Variants in IMPACT observed in about 807,000 individuals in gnomAD.
IMPACT encodes the protein protein IMPACT.
IMPACT carries 35 observed loss-of-function variants against 47.5 expected under a neutral mutation model. The ratio of observed to expected loss-of-function variants is 0.74; its 90% CI spans 0.56 to 0.98. The LOEUF (loss-of-function observed/expected upper bound fraction) is 0.98, where lower values mean the gene tolerates loss of function less well. IMPACT is among the 50% of genes least tolerant of loss of function. IMPACT has a pLI of 0.00. For missense variants in IMPACT, 373 were observed against 394.8 expected (o/e 0.94, Z 0.47); for synonymous variants, 118 against 125.6 (o/e 0.94, Z 0.40).
In IMPACT at chr18:24,453,325, A is replaced by G. The variant is rs1909434657; in HGVS notation, c.*2478A>G. 1 of 152,240 alleles carries G rather than the reference A, an allele frequency of 6.6e-6. No homozygotes were observed. Among genetic ancestry groups the G allele is most frequent in the Admixed American group, 6.5e-5 (1 of 15,290 alleles). The allele number at this position is 152,240 out of a possible 1,614,324, so 9.4% of individuals were successfully genotyped here. A position where few individuals can be genotyped will look rare whatever the true frequency, so the allele number is the denominator to read the frequency against. ...AAAATTACATAATCCCTCTGATTCC[A>G]CTATCCAGAGATAGCCATTATTATT... On this transcript the variant is annotated 3_prime_UTR_variant, in exon 11 of 11. Transcript: ENST00000284202.
chr18:24,449,677 C>G (rs1229499674), intron 9 of IMPACT, 142 bp from the exon 10 acceptor site: 3 of 648,674 alleles, frequency 4.6e-6, no homozygotes, highest in Non-Finnish European at 8.1e-6. Flanking sequence ...TCAGTGCCTA[C>G]TCACTCATAT....
At position 24,426,803 on chromosome 18, in the gene IMPACT, G is replaced by C; in HGVS notation, c.36+11G>C. The C allele has an allele frequency of 8.1e-7, 1 of 1,238,298 alleles. No individual in the cohort carries two copies. The highest frequency in any genetic ancestry group is 4.1e-5 in the South Asian group (1 of 24,632). 76.7% of individuals were successfully genotyped at this position (1,238,298 alleles called of 1,614,324 possible). A position where few individuals can be genotyped will look rare whatever the true frequency, so the allele number is the denominator to read the frequency against. On this transcript the variant is annotated intron_variant, in intron 1 of 10. Transcript: ENST00000284202. ...AGCGACCAGAGGCAGGTGAGGCCCC[G>C]GCGGGGTGCTGTCTCTCCAGGCTCG... is the stretch of plus-strand genomic sequence containing the variant.
At chr18:24,429,464 C>T (rs182930981) in intron 3 of IMPACT, 2 of 152,302 alleles carry the variant, frequency 1.3e-5, no homozygotes, top group Admixed American at 1.3e-4. Flanking sequence ...TGTATAAACC[C>T]TTGGGAACAG....
At chr18:24,432,677 T>C (rs1199089426) in intron 4 of IMPACT, among the ~76,000 whole-genome samples, 1 of 152,020 alleles carries the variant, frequency 6.6e-6, no homozygotes, top group Non-Finnish European at 1.5e-5. Flanking sequence ...TATAATCCTC[T>C]CATATTTGCC....
In IMPACT at chr18:24,448,089, G is replaced by C. The variant is rs1343457900; in HGVS notation, c.669-4G>C. On this transcript the variant is annotated splice_polypyrimidine_tract_variant and splice_region_variant and intron_variant, in intron 8 of 10. Transcript: ENST00000284202. ...AAGTGTAATACTCTTACATGTATTT[G>C]CAGAATATATTGTGAGGATAAACAG... 1.9e-6 allele frequency: 3 copies of C among 1,583,044 alleles called. No individual in the cohort carries two copies. The highest frequency in any genetic ancestry group is 4.5e-5 in the East Asian group (2 of 44,664).
intron 3 of IMPACT, 69 bp from the exon 4 acceptor site, chr18:24,430,253 T>G: frequency 9.5e-7 from 1 of 1,050,812 alleles, no homozygotes; most frequent in East Asian, 2.5e-5. Flanking sequence ...TTATTTGTGA[T>G]GTAATCTGTA....
chr18:24,444,020 C>T lies in IMPACT; in HGVS notation c.594+868C>T, dbSNP rs1196519682. On this transcript the variant is annotated intron_variant, in intron 7 of 10. Coordinates refer to ENST00000284202, the MANE Select transcript of IMPACT (RefSeq NM_018439.4). The stretch of plus-strand genomic sequence containing the variant: ...TCTTGAAGCTCTTTAAAGCCCTGGG[C>T]TTCAGGGATACAGCTCTTTGTACCA... Among the ~76,000 whole-genome samples, 5 of 152,188 alleles carry T rather than the reference C, an allele frequency of 3.3e-5. No individual in the cohort carries two copies. In the South Asian group the frequency reaches 8.3e-4, roughly 25 times the overall value.
chr18:24,449,851 A>G lies in IMPACT; in HGVS notation c.792A>G (p.Val264=), dbSNP rs1448310879. 1 of 1,613,250 alleles carries G rather than the reference A, an allele frequency of 6.2e-7. No homozygotes were observed. The part of the protein sequence containing the change: ...ILNVKNVMVV[V]SRWYGGILLG... ...ATGTGAAGAATGTCATGGTGGTAGT[A>G]TCACGCTGGTATGGAGGGATTCTGC... The change falls in exon 10 of 11, where the codon GTA becomes GTG. Residue 264 remains valine, a synonymous_variant. Transcript: ENST00000284202.
In IMPACT at chr18:24,443,040, C is replaced by G; in HGVS notation, c.491-9C>G. On this transcript the variant is annotated splice_polypyrimidine_tract_variant and intron_variant, in intron 6 of 10. Coordinates refer to ENST00000284202, the MANE Select transcript of IMPACT (RefSeq NM_018439.4). ...TTTTTAAAAAATAAAGTTTCTTTTACATTTCTAGAAGTAGAAGTAGAAGAA... is the reference window on the plus strand; with the variant it reads ...TTTTTAAAAAATAAAGTTTCTTTTAGATTTCTAGAAGTAGAAGTAGAAGAA... The G allele has an allele frequency of 6.9e-7, 1 of 1,454,704 alleles. No homozygotes were observed. Among genetic ancestry groups the G allele is most frequent in the Non-Finnish European group, 9.5e-7 (1 of 1,050,794 alleles). 90.1% of individuals were successfully genotyped at this position (1,454,704 alleles called of 1,614,324 possible). A position where few individuals can be genotyped will look rare whatever the true frequency, so the allele number is the denominator to read the frequency against.
At chr18:24,427,761 T>C (rs1908649979) in intron 1 of IMPACT, 158 bp from the exon 2 acceptor site, 1 of 621,960 alleles carries the variant, frequency 1.6e-6, no homozygotes, top group African/African-American at 1.9e-5. Context: ...GAGCAGAACA[T>C]GGTGACCTGC....
chr18:24,434,220 C>T (rs965868439), intron 4 of IMPACT, among the ~76,000 whole-genome samples: 20 of 151,878 alleles, frequency 1.3e-4, no homozygotes, highest in African/African-American at 4.1e-4. Flanking sequence ...TGTGATGGGG[C>T]GTGCCTGTAA....
chr18:24,443,678 G>A (rs904265940), intron 7 of IMPACT, among the ~76,000 whole-genome samples: 5 of 152,200 alleles, frequency 3.3e-5, no homozygotes, highest in African/African-American at 1.2e-4. Context: ...GGGGACAGTG[G>A]ACAGACTGGC....
chr18:24,448,987 C>G (rs2144350456), intron 9 of IMPACT, among the ~76,000 whole-genome samples: 1 of 152,220 alleles, frequency 6.6e-6, no homozygotes, highest in African/African-American at 2.4e-5. Context: ...AGGCCTTTCC[C>G]TTGAATAGTA....
chr18:24,428,951 AT>A (rs1568084673), intron 3 of IMPACT, 30 bp downstream of exon 3: 1 of 1,463,658 alleles, frequency 6.8e-7, no homozygotes, highest in Non-Finnish European at 9.5e-7. Flanking sequence ...TTATATTGCT[AT>A]AAAAAGATTC....
chr18:24,430,861 T>C (rs1004170156), intron 4 of IMPACT, among the ~76,000 whole-genome samples: 4 of 152,256 alleles, frequency 2.6e-5, no homozygotes, highest in Non-Finnish European at 5.9e-5. Flanking sequence ...ATAGGCTATG[T>C]AGAATGAAAT....
intron 5 of IMPACT, among the ~76,000 whole-genome samples, chr18:24,438,527 C>G (rs569021108): frequency 3.3e-5 from 5 of 152,312 alleles, no homozygotes; most frequent in African/African-American, 7.2e-5. Flanking sequence ...CTTATGAAGA[C>G]TACTGATAGT....
At chr18:24,450,753 G>A in intron 10 of IMPACT, 26 bp from the exon 11 acceptor site, 1 of 1,505,708 alleles carries the variant, frequency 6.6e-7, no homozygotes, top group South Asian at 1.1e-5. Flanking sequence ...ATGGAGAGAT[G>A]CTGCACTGAT....
chr18:24,440,640 TC>T lies in IMPACT; in HGVS notation c.490+23del, dbSNP rs767369253. 3 of 1,584,192 alleles carry T rather than the reference TC, an allele frequency of 1.9e-6. No individual in the cohort carries two copies. In the South Asian group the frequency reaches 3.5e-5, roughly 18 times the overall value. On this transcript the variant is annotated intron_variant, in intron 6 of 10. Coordinates refer to ENST00000284202, the MANE Select transcript of IMPACT (RefSeq NM_018439.4). ...ACAGGTATAATGTTACTAACTAATTTCTTTTGAGGAGAGTGGGTTGGTAGTA... is the reference window on the plus strand; with the variant it reads ...ACAGGTATAATGTTACTAACTAATTTTTTTGAGGAGAGTGGGTTGGTAGTA...
chr18:24,430,858 A>G (rs891027405), intron 4 of IMPACT, among the ~76,000 whole-genome samples: 16 of 152,264 alleles, frequency 1.1e-4, no homozygotes, highest in Non-Finnish European at 1.9e-4. Context: ...TTCATAGGCT[A>G]TGTAGAATGA....
Sources: gnomAD v4.1 joint callset for allele counts (sites outside exome capture counted in the v4.1 genomes callset) on GRCh38, gnomAD v4.1.1 for gene constraint, MANE v1.5 for transcripts, NCBI Gene and HGNC (gene_info 2026-07-23, HGNC 2026-07-21) for gene names.